GPR161: variants seen among roughly 807,000 people sequenced by gnomAD.
GPR161 encodes the protein G protein-coupled receptor 161, also known as G-protein coupled receptor RE2.
Under a neutral mutation model 39.2 loss-of-function variants are expected in GPR161, and 25 were observed. The observed-to-expected ratio is 0.64, with a 90% confidence interval of 0.47 to 0.89. The LOEUF is 0.89. GPR161 is among the 40% of genes least tolerant of loss of function. The pLI is 0.00. For synonymous variants in GPR161, 286 were observed against 276.6 expected, an observed-to-expected ratio of 1.03 and a Z score of -0.34; for missense variants, 547 against 677.8, an observed-to-expected ratio of 0.81 and a Z score of 2.14.
chr1:168,135,480 T>A (rs191494513), intron 1 of GPR161, among the ~76,000 whole-genome samples: 90 of 152,328 alleles, frequency 5.9e-4, no homozygotes, highest in Non-Finnish European at 1.2e-3. Flanking sequence ...CAGTTACAGT[T>A]GAAGAGCCTC....
intron 1 of GPR161, among the ~76,000 whole-genome samples, chr1:168,118,931 GAA>G (rs1697861876): frequency 6.6e-6 from 1 of 151,546 alleles, no homozygotes; most frequent in African/African-American, 2.4e-5. Context: ...GAAAAGAAAA[GAA>G]AAAAAGCAAA....
At chr1:168,132,594 AAAAAAAAG>A (rs1699081328) in intron 1 of GPR161, among the ~76,000 whole-genome samples, 1 of 152,000 alleles carries the variant, frequency 6.6e-6, no homozygotes, top group Admixed American at 6.5e-5. Context: ...TCTCAAAAAA[AAAAAAAAG>A]AAAAAAAGAA....
intron 1 of GPR161, among the ~76,000 whole-genome samples, chr1:168,131,008 T>C (rs995584716): frequency 1.3e-5 from 2 of 152,190 alleles, no homozygotes; most frequent in African/African-American, 4.8e-5. Context: ...ATGTCTGAGC[T>C]GTGGATTTCC....
At position 168,085,601 on chromosome 1, in the gene GPR161, G is replaced by A. The variant is rs140650891; in HGVS notation, c.1520C>T (p.Thr507Ile). 13 of 1,613,976 alleles carry A rather than the reference G, an allele frequency of 8.1e-6. No individual in the cohort carries two copies. Among genetic ancestry groups the A allele is most frequent in the Non-Finnish European group, 1.1e-5 (13 of 1,180,016 alleles). The stretch of plus-strand genomic sequence containing the variant: ...CAACTGCAGCCTCTGGCTCACAAGA[G>A]TTCTGCTGCCTCGGCGGCCCCCGAA... ...GGFGGRRGSR[T>I]LVSQRLQLQS... The change falls in exon 6 of 6, where the codon ACT becomes ATT. Residue 507 changes from threonine to isoleucine, a missense_variant. Physicochemically the swap from Thr to Ile is moderately conservative, Grantham distance 89 (BLOSUM62 -1). Coordinates refer to ENST00000682931, the MANE Select transcript of GPR161 (RefSeq NM_001375883.1).
chr1:168,084,581 G>A lies in GPR161; in HGVS notation c.*950C>T. 2.8e-6 allele frequency: 1 copy of A among 356,624 alleles called. No individual in the cohort carries two copies. Among genetic ancestry groups the A allele is most frequent in the Middle Eastern group, 1.0e-3 (1 of 988 alleles). 22.1% of individuals were successfully genotyped at this position (356,624 alleles called of 1,614,324 possible). A position where few individuals can be genotyped will look rare whatever the true frequency, so the allele number is the denominator to read the frequency against. ...ATAATAGTAACTGTTGCTCTTGGGA[G>A]TGTGCCATGCAGAACTGAGGCCAGC... On this transcript the variant is annotated 3_prime_UTR_variant, in exon 6 of 6. Coordinates refer to ENST00000682931, the MANE Select transcript of GPR161 (RefSeq NM_001375883.1).
At position 168,085,714 on chromosome 1, in the gene GPR161, G is replaced by A. The variant is rs1390290636; in HGVS notation, c.1407C>T (p.Ala469=). Residue 469 remains alanine, a synonymous_variant, in exon 6 of 6, where the codon GCC becomes GCT. Coordinates refer to ENST00000682931, the MANE Select transcript of GPR161 (RefSeq NM_001375883.1). ...LDSYAASLAK[A]IEAEAKINLF... is the part of the protein sequence containing the mutation. ...AGTTGATTTTGGCTTCGGCCTCAAT[G>A]GCTTTGGCCAAGCTTGCTGCGTAAC... The A allele has an allele frequency of 6.2e-7, 1 of 1,614,206 alleles. No individual in the cohort carries two copies. Among genetic ancestry groups the A allele is most frequent in the Admixed American group, 1.7e-5 (1 of 60,026 alleles).
At chr1:168,133,362 G>A (rs77208718) in intron 1 of GPR161, among the ~76,000 whole-genome samples, 4,652 of 151,942 alleles carry the variant, frequency 0.031, 95 homozygotes, top group Middle Eastern at 0.075. Flanking sequence ...CAGATCCCAC[G>A]TCCAGGAACA....
intron 1 of GPR161, 172 bp downstream of exon 1, chr1:168,136,567 G>A: frequency 1.6e-6 from 2 of 1,253,184 alleles, no homozygotes; most frequent in Non-Finnish European, 2.0e-6. Flanking sequence ...GCGGGCGGAG[G>A]ACAGCCCTGA....
chr1:168,095,696 G>A (rs1410516079), intron 3 of GPR161, among the ~76,000 whole-genome samples: 2 of 152,192 alleles, frequency 1.3e-5, no homozygotes, highest in Admixed American at 1.3e-4. Context: ...CTGTGAGGAG[G>A]AGGAGGATGG....
chr1:168,098,462 G>A lies in GPR161; in HGVS notation c.375-1230C>T, dbSNP rs1332039994. Reference sequence around the variant, plus strand: ...GGATGTTCCCATGAGGGCAACATGTGTAAGGGACGGGTGGCCACACTGATG... The same window carrying A: ...GGATGTTCCCATGAGGGCAACATGTATAAGGGACGGGTGGCCACACTGATG... On this transcript the variant is annotated intron_variant, in intron 2 of 5. Transcript: ENST00000682931. The surrounding 1 kb of genome is among the most constrained non-coding windows in gnomAD (Gnocchi z 4.1). 1.3e-5 allele frequency among the ~76,000 whole-genome samples: 2 copies of A among 152,250 alleles called. No homozygotes were observed. The highest frequency in any genetic ancestry group is 2.9e-5 in the Non-Finnish European group (2 of 68,042).
At chr1:168,118,408 C>T (rs1452969957) in intron 1 of GPR161, among the ~76,000 whole-genome samples, 1,722 of 152,218 alleles carry the variant, frequency 0.011, 32 homozygotes, top group African/African-American at 0.04. Context: ...TACACAGGGA[C>T]ACAGAGTATA....
chr1:168,128,866 A>G (rs1471054679), intron 1 of GPR161, among the ~76,000 whole-genome samples: 1 of 152,106 alleles, frequency 6.6e-6, no homozygotes, highest in Non-Finnish European at 1.5e-5. Context: ...CTCCCTCACC[A>G]TGATAGCCAT....
At chr1:168,134,336 T>C (rs1445759898) in intron 1 of GPR161, among the ~76,000 whole-genome samples, 1 of 152,208 alleles carries the variant, frequency 6.6e-6, no homozygotes, top group East Asian at 1.9e-4. Flanking sequence ...ACATAAAATG[T>C]GCAAGGAAAT....
intron 3 of GPR161, among the ~76,000 whole-genome samples, chr1:168,095,260 T>C (rs1695418684): frequency 2.0e-5 from 3 of 152,244 alleles, no homozygotes; most frequent in African/African-American, 7.2e-5. Flanking sequence ...TAAGACAATA[T>C]GGGATCCTGA....
chr1:168,089,233 G>A (rs1183429801), intron 4 of GPR161: 1 of 152,152 alleles, frequency 6.6e-6, no homozygotes, highest in Non-Finnish European at 1.5e-5. Context: ...CAGTGCCTCT[G>A]GATCCCTTTA....
Position 168,136,786 on chromosome 1 carries a change from C to G in GPR161, c.-92G>C. 1.2e-5 allele frequency: 12 copies of G among 987,140 alleles called. No homozygotes were observed. The highest frequency in any genetic ancestry group is 1.4e-5 in the Non-Finnish European group (12 of 831,292). The allele number at this position is 987,140 out of a possible 1,614,324, so 61.1% of individuals were successfully genotyped here. On this transcript the variant is annotated 5_prime_UTR_variant, in exon 1 of 6. Transcript: ENST00000682931. ...CTCAGGCCCCGGCCCAGCCGCCTCC[C>G]CGCCTCGGCCACCGCCGCCGCCGCT...
rs1694302007 is a variant in GPR161, at chr1:168,084,647, T to C, written c.*884A>G. On this transcript the variant is annotated 3_prime_UTR_variant, in exon 6 of 6. Coordinates refer to ENST00000682931, the MANE Select transcript of GPR161 (RefSeq NM_001375883.1). ...CTCAAACATCACACATAGAATCTAT[T>C]TAATGAGGCTTTCCCATGTGAACAA... The C allele has an allele frequency of 2.7e-6, 1 of 365,350 alleles. No homozygotes were observed. The highest frequency in any genetic ancestry group is 2.1e-5 in the African/African-American group (1 of 46,874). 22.6% of individuals were successfully genotyped at this position (365,350 alleles called of 1,614,324 possible).
At chr1:168,095,984 A>C (rs1437025407) in intron 3 of GPR161, among the ~76,000 whole-genome samples, 1 of 151,924 alleles carries the variant, frequency 6.6e-6, no homozygotes, top group Non-Finnish European at 1.5e-5. Context: ...AAATATAAAA[A>C]GTAGTTGGGT....
chr1:168,123,537 T>TACACACACACACACACACAC (rs10534836), intron 1 of GPR161, among the ~76,000 whole-genome samples: 30 of 138,118 alleles, frequency 2.2e-4, no homozygotes, highest in African/African-American at 8.1e-4. Flanking sequence ...TGCACATACA[T>TACACACACACACACACACAC]ACACACACAC....
Sources: allele counts gnomAD v4.1 joint callset (sites outside exome capture counted in the v4.1 genomes callset), GRCh38; gene constraint gnomAD v4.1.1; non-coding constraint Gnocchi (gnomAD v3.1); transcripts MANE v1.5; gene names NCBI Gene and HGNC (gene_info 2026-07-23, HGNC 2026-07-21).